SLC24A3: variants seen among roughly 807,000 people sequenced by gnomAD.
SLC24A3 encodes the protein sodium/potassium/calcium exchanger 3.
SLC24A3 carries 28 observed loss-of-function variants against 75.8 expected under a neutral mutation model. The observed-to-expected ratio is 0.37, with a 90% confidence interval of 0.27 to 0.51. The LOEUF is 0.51. SLC24A3 is among the 20% of genes least tolerant of loss of function. The pLI, the probability that SLC24A3 is intolerant of heterozygous loss-of-function variation, is 0.94. For synonymous variants in SLC24A3, 372 were observed against 334.1 expected, an observed-to-expected ratio of 1.11 and a Z score of -1.24; for missense variants, 663 against 847.8, an observed-to-expected ratio of 0.78 and a Z score of 2.71.
rs1007737090 is a variant in SLC24A3 at position 19,449,641 on chromosome 20, G to A, written c.272-65847G>A. On this transcript the variant is annotated intron_variant, in intron 2 of 16. Coordinates refer to ENST00000328041, the MANE Select transcript of SLC24A3 (RefSeq NM_020689.4). ...TGAACATCCCACTAATTCAAAAGGGGCTGGCAGATGAGATGAATGAGAACT... is the reference window on the plus strand; with the variant it reads ...TGAACATCCCACTAATTCAAAAGGGACTGGCAGATGAGATGAATGAGAACT... Among the ~76,000 whole-genome samples, 5 of 152,318 alleles carry A rather than the reference G, an allele frequency of 3.3e-5. No individual in the cohort carries two copies. In the South Asian group the frequency reaches 8.3e-4, roughly 25 times the overall value.
intron 3 of SLC24A3, among the ~76,000 whole-genome samples, chr20:19,522,998 G>C (rs1476829555): frequency 2.6e-5 from 4 of 152,098 alleles, no homozygotes; most frequent in African/African-American, 9.7e-5. Context: ...AGGGAGAAGT[G>C]AAATTGTCTA....
chr20:19,217,176 G>T (rs900937519), intron 1 of SLC24A3, among the ~76,000 whole-genome samples: 2 of 152,230 alleles, frequency 1.3e-5, no homozygotes, highest in African/African-American at 4.8e-5. Flanking sequence ...GTCACAGAAT[G>T]TCATTTTCGC....
intron 2 of SLC24A3, among the ~76,000 whole-genome samples, chr20:19,441,283 GA>G (rs944128707): frequency 3.3e-5 from 5 of 152,280 alleles, no homozygotes; most frequent in African/African-American, 1.2e-4. Flanking sequence ...CTAGGGGCCG[GA>G]AGTAATGACG....
rs76745582 is a variant in SLC24A3 at position 19,628,345 on chromosome 20, T to C, written c.613-25717T>C. The stretch of plus-strand genomic sequence containing the variant: ...GGTGGAACAGGAAGCCCCAGGTCCT[T>C]CCCCCATGGAGACATTAACTTAACA... On this transcript the variant is annotated intron_variant, in intron 6 of 16. Transcript: ENST00000328041. Among the ~76,000 whole-genome samples the C allele has an allele frequency of 7.3e-3, 1,108 of 152,082 alleles. 8 individuals are homozygous for C. The highest frequency in any genetic ancestry group is 0.011 in the Non-Finnish European group (731 of 67,986).
At chr20:19,687,701 C>A (rs1266825784) in intron 12 of SLC24A3, among the ~76,000 whole-genome samples, 1 of 152,184 alleles carries the variant, frequency 6.6e-6, no homozygotes, top group Admixed American at 6.5e-5. Flanking sequence ...TGAGATGAGA[C>A]CAAGTCTGGC....
At chr20:19,437,072 T>G (rs536038457) in intron 2 of SLC24A3, among the ~76,000 whole-genome samples, 4 of 152,230 alleles carry the variant, frequency 2.6e-5, no homozygotes, top group African/African-American at 9.6e-5. Flanking sequence ...GGAGGAGCAG[T>G]GAAATGGCCT....
chr20:19,451,225 G>T (rs1380211495), intron 2 of SLC24A3, among the ~76,000 whole-genome samples: 1 of 152,214 alleles, frequency 6.6e-6, no homozygotes, highest in South Asian at 2.1e-4. Context: ...CCTCCAGCTT[G>T]GCTTGGCAAG....
intron 2 of SLC24A3, among the ~76,000 whole-genome samples, chr20:19,285,628 A>G (rs529863507): frequency 2.0e-5 from 3 of 150,836 alleles, no homozygotes; most frequent in East Asian, 3.9e-4. Flanking sequence ...TTTCTTTGCA[A>G]TTGTTCCAGC....
At chr20:19,685,070 C>A in intron 11 of SLC24A3, 30 bp from the exon 12 acceptor site, 1 of 1,571,032 alleles carries the variant, frequency 6.4e-7, no homozygotes, top group Non-Finnish European at 8.6e-7. Flanking sequence ...TCCCTCTGAC[C>A]GTGGTAAGAG....
At chr20:19,482,854 G>A (rs1988078427) in intron 2 of SLC24A3, among the ~76,000 whole-genome samples, 2 of 152,196 alleles carry the variant, frequency 1.3e-5, no homozygotes, top group Admixed American at 6.5e-5. Context: ...ACACGGTTCA[G>A]TCAATAGGAG....
intron 5 of SLC24A3, 135 bp from the exon 6 acceptor site, chr20:19,585,306 A>T: frequency 1.2e-6 from 1 of 869,470 alleles, no homozygotes; most frequent in Non-Finnish European, 1.8e-6. Flanking sequence ...TCTGTAGATT[A>T]GAAAGCTCTC....
At position 19,693,380 on chromosome 20, in the gene SLC24A3, C is replaced by T; in HGVS notation, c.1446C>T (p.Ser482=). Residue 482 remains serine (S), a synonymous_variant, in exon 13 of 17, where the codon TCC becomes TCT. Transcript: ENST00000328041. ...AATGGTTCATGGTGACGTTTGCTTC[C>T]TCCACGCTGTGGATCGCAGCCTTCT... ...WEKWFMVTFA[S]STLWIAAFSY... 1 of 1,614,176 alleles carries T rather than the reference C, an allele frequency of 6.2e-7. No individual in the cohort carries two copies. Among genetic ancestry groups the T allele is most frequent in the Non-Finnish European group, 8.5e-7 (1 of 1,180,032 alleles).
intron 15 of SLC24A3, among the ~76,000 whole-genome samples, chr20:19,702,645 T>C (rs1248938620): frequency 6.6e-6 from 1 of 151,956 alleles, no homozygotes; most frequent in African/African-American, 2.4e-5. Flanking sequence ...AATCATTTTA[T>C]GCTGGGGATA....
chr20:19,375,479 C>T (rs1394484336), intron 2 of SLC24A3, among the ~76,000 whole-genome samples: 1 of 152,146 alleles, frequency 6.6e-6, no homozygotes, highest in African/African-American at 2.4e-5. Flanking sequence ...GGCAGAGACC[C>T]AGGAGGAAAC....
At chr20:19,571,278 C>G (rs1170624891) in intron 3 of SLC24A3, among the ~76,000 whole-genome samples, 2 of 152,150 alleles carry the variant, frequency 1.3e-5, no homozygotes. Context: ...ACATCAGCAT[C>G]AGCCCAGCTG....
At chr20:19,326,302 C>T (rs1984860677) in intron 2 of SLC24A3, among the ~76,000 whole-genome samples, 1 of 152,040 alleles carries the variant, frequency 6.6e-6, no homozygotes, top group African/African-American at 2.4e-5. Flanking sequence ...TCATCCTCTG[C>T]CCAAGGGAGC....
chr20:19,455,331 T>G (rs1987560191), intron 2 of SLC24A3, among the ~76,000 whole-genome samples: 2 of 152,220 alleles, frequency 1.3e-5, no homozygotes, highest in South Asian at 4.1e-4. Flanking sequence ...TCATCACTAT[T>G]AGGTAACCAG....
chr20:19,445,465 A>C (rs1412036576), intron 2 of SLC24A3, among the ~76,000 whole-genome samples: 1 of 152,244 alleles, frequency 6.6e-6, no homozygotes, highest in Non-Finnish European at 1.5e-5. Context: ...TCAGTTATTT[A>C]AGGCAAATAG....
chr20:19,722,098 G>T lies in SLC24A3; in HGVS notation c.*958G>T. ...GCTTCCCCGACTTGTGAGTCCCTGA[G>T]ATGTGCTCTTGTTGTTTGGCATTTG... On this transcript the variant is annotated 3_prime_UTR_variant, in exon 17 of 17. Transcript: ENST00000328041. The T allele has an allele frequency of 6.5e-6, 1 of 152,884 alleles. No homozygotes were observed. The highest frequency in any genetic ancestry group is 1.5e-5 in the Non-Finnish European group (1 of 68,096). The allele number at this position is 152,884 out of a possible 1,614,324, so 9.5% of individuals were successfully genotyped here.
Sources: allele counts gnomAD v4.1 joint callset (sites outside exome capture counted in the v4.1 genomes callset), GRCh38; gene constraint gnomAD v4.1.1; transcripts MANE v1.5; gene names NCBI Gene and HGNC (gene_info 2026-07-23, HGNC 2026-07-21).